Variants in ZNF418 observed in about 807,000 individuals in gnomAD.
The protein encoded by ZNF418 is zinc finger protein 418.
In ZNF418, 32 loss-of-function variants were observed where a neutral mutation model predicts 32.0. The observed-to-expected ratio is 1.00, with a 90% CI of 0.75 to 1.34. The LOEUF (loss-of-function observed/expected upper bound fraction) is 1.34. Among genes scored for constraint, ZNF418 ranks in the 40% most tolerant of loss-of-function variants. The probability of loss-of-function intolerance (pLI) is 0.00; values close to 1 mark genes in which losing one functional copy is unlikely to be tolerated. For missense variants in ZNF418, 804 were observed against 812.5 expected (o/e 0.99, Z 0.13); for synonymous variants, 276 against 270.7 (o/e 1.02, Z -0.19).
rs79857815 is a variant in ZNF418 at position 57,930,438 on chromosome 19, T to C, written c.123A>G (p.Ile41Met). The change falls in exon 3 of 6, where the codon ATA becomes ATG. Residue 41 changes from isoleucine to methionine, a missense_variant. By Grantham distance (10) the Ile-to-Met change is conservative. This residue lies in a region of ZNF418 where 307 missense variants were observed against 304.9 expected (regional missense o/e 1.01). Transcript: ENST00000396147. ...GTGTGAGGAACTTACCCAGGGAGGA[T>C]ATAAGTACCCAGTTCTCCAGCATCA... ...HDVMLENWVL[I>M]SSLGCWCGSE... 2.7e-4 allele frequency: 436 copies of C among 1,614,058 alleles called. No individual in the cohort carries two copies. The African/African-American group carries it at 5.2e-3, about 19-fold the overall frequency.
At chr19:57,931,836 A>G (rs1033907335) in intron 2 of ZNF418, among the ~76,000 whole-genome samples, 2 of 152,226 alleles carry the variant, frequency 1.3e-5, no homozygotes, top group Non-Finnish European at 2.9e-5. Flanking sequence ...TCAGCCTCCC[A>G]AAGTGCTGGG....
At chr19:57,928,079 T>C (rs372845514) in intron 3 of ZNF418, 32 bp from the exon 4 acceptor site, 31 of 1,508,612 alleles carry the variant, frequency 2.1e-5, no homozygotes, top group Non-Finnish European at 2.7e-5. Context: ...TGAATTCAAG[T>C]TAACTCTGGT....
Position 57,927,239 on chromosome 19 carries a change from A to T in ZNF418, c.942T>A (p.Tyr314Ter). 6.2e-7 allele frequency: 1 copy of T among 1,614,094 alleles called. No homozygotes were observed. The highest frequency in any genetic ancestry group is 8.5e-7 in the Non-Finnish European group (1 of 1,180,018). ...HQRVHTGERPYECGECGKSFS... is the reference protein window; with the variant it reads ...HQRVHTGERP ...AAGATTTCCCACATTCTCCACACTC[A>T]TAAGGTCTTTCTCCAGTATGAACTC... Residue 314 changes from tyrosine (Y) to a stop codon, truncating the protein, a stop_gained, in exon 4 of 6, where the codon TAT becomes TAA. Transcript: ENST00000396147. LOFTEE classifies it low-confidence loss of function (END_TRUNC).
intron 1 of ZNF418, chr19:57,934,959 G>T: frequency 7.3e-7 from 1 of 1,377,420 alleles, no homozygotes; most frequent in Non-Finnish European, 9.6e-7. Flanking sequence ...CTGTCCTCCA[G>T]GCCATAGCCC....
rs1252490721 is a variant in ZNF418 at position 57,923,507 on chromosome 19, CACACATAT to C, written c.*528-226_*528-219del. Among the ~76,000 whole-genome samples the C allele has an allele frequency of 3.2e-3, 453 of 142,734 alleles. 1 individual carries two copies. The highest frequency in any genetic ancestry group is 0.016 in the South Asian group (75 of 4,666). The allele number at this position is 142,734 out of a possible 152,430, so 93.6% of individuals were successfully genotyped here. ...ACATACATGTATATACATATATACA[CACACATAT>C]ATACATATATACATATATATACATA... On this transcript the variant is annotated intron_variant, in intron 4 of 5. Coordinates refer to ENST00000396147, the MANE Select transcript of ZNF418 (RefSeq NM_133460.3).
At chr19:57,929,529 C>G (rs922521179) in intron 3 of ZNF418, among the ~76,000 whole-genome samples, 11 of 152,212 alleles carry the variant, frequency 7.2e-5, no homozygotes, top group Admixed American at 5.2e-4. Flanking sequence ...AGGCCATTTC[C>G]ACCTGATTAA....
intron 3 of ZNF418, among the ~76,000 whole-genome samples, chr19:57,928,395 C>T (rs2072338509): frequency 6.6e-6 from 1 of 152,084 alleles, no homozygotes; most frequent in African/African-American, 2.4e-5. Flanking sequence ...ACCTCAGCCT[C>T]CACAGTAGCT....
At position 57,926,077 on chromosome 19, in the gene ZNF418, T is replaced by C. The variant is rs2072203385; in HGVS notation, c.*73A>G. 1.5e-6 allele frequency: 2 copies of C among 1,309,330 alleles called. No individual in the cohort carries two copies. Among genetic ancestry groups the C allele is most frequent in the Non-Finnish European group, 2.1e-6 (2 of 938,910 alleles). The allele number at this position is 1,309,330 out of a possible 1,614,324, so 81.1% of individuals were successfully genotyped here. ...TCCCACGTTTGTCACACTCATAAGG[T>C]CCTGATCCAGTAAGAACCCTCTGAT... On this transcript the variant is annotated 3_prime_UTR_variant, in exon 4 of 6. Transcript: ENST00000396147.
Position 57,933,910 on chromosome 19 carries a change from C to T in ZNF418, c.-80-8G>A, listed in dbSNP as rs568761380. 3.1e-6 allele frequency: 5 copies of T among 1,612,762 alleles called. No homozygotes were observed. The highest frequency in any genetic ancestry group is 4.2e-6 in the Non-Finnish European group (5 of 1,179,962). The stretch of plus-strand genomic sequence containing the variant: ...TTTGCAGCCAGATGATGCCTGCAGA[C>T]AAATGGGACTGTGGTAACATCACCT... On this transcript the variant is annotated splice_region_variant and splice_polypyrimidine_tract_variant and intron_variant, in intron 1 of 5. Coordinates refer to ENST00000396147, the MANE Select transcript of ZNF418 (RefSeq NM_133460.3).
rs2072254001 is a variant in ZNF418 at position 57,926,889 on chromosome 19, CA to C, written c.1291del (p.Cys431ValfsTer256). On this transcript the variant is annotated frameshift_variant, in exon 4 of 6. Transcript: ENST00000396147. LOFTEE classifies it low-confidence loss of function (END_TRUNC). ...GCCCTTTCGACTAAAAGATTTCCCA[CA>C]TTCTCCACACTCGTAAGGTCTTTCT... The part of the protein sequence containing the change: ...TGERPYECGE[C>X]GKSFSRKGNL... 1 of 1,614,040 alleles carries C rather than the reference CA, an allele frequency of 6.2e-7. No individual in the cohort carries two copies. The highest frequency in any genetic ancestry group is 1.3e-5 in the African/African-American group (1 of 74,932).
At chr19:57,931,308 T>C (rs2122999797) in intron 2 of ZNF418, among the ~76,000 whole-genome samples, 1 of 151,140 alleles carries the variant, frequency 6.6e-6, no homozygotes, top group South Asian at 2.1e-4. Context: ...TTCAAGCAAT[T>C]TTCCTGCCTC....
intron 3 of ZNF418, 83 bp from the exon 4 acceptor site, chr19:57,928,130 A>G: frequency 8.6e-7 from 1 of 1,165,042 alleles, no homozygotes; most frequent in Non-Finnish European, 1.2e-6. Flanking sequence ...TGACAAACCA[A>G]GGAATTACTC....
At chr19:57,933,761 G>T (rs1568554349) in intron 2 of ZNF418, 56 bp downstream of exon 2, 3 of 1,603,804 alleles carry the variant, frequency 1.9e-6, no homozygotes. Flanking sequence ...TACAAACTGT[G>T]AATCTTGAAT....
At chr19:57,934,018 A>G (rs2072591667) in intron 1 of ZNF418, 116 bp from the exon 2 acceptor site, 2 of 1,497,986 alleles carry the variant, frequency 1.3e-6, no homozygotes, top group Non-Finnish European at 1.8e-6. Context: ...TTAACCTTCA[A>G]AGTATGTTTA....
At chr19:57,923,515 TATAC>T (rs1398400261) in intron 4 of ZNF418, among the ~76,000 whole-genome samples, 1 of 138,886 alleles carries the variant, frequency 7.2e-6, no homozygotes, top group Non-Finnish European at 1.6e-5. Context: ...CACACACATA[TATAC>T]ATATATACAT....
rs775386760 is a variant in ZNF418 at position 57,926,683 on chromosome 19, G to A, written c.1498C>T (p.His500Tyr). 3 of 1,614,058 alleles carry A rather than the reference G, an allele frequency of 1.9e-6. No homozygotes were observed. Among genetic ancestry groups the A allele is most frequent in the Non-Finnish European group, 2.5e-6 (3 of 1,180,034 alleles). ...SFQDSSGFRV[H>Y]QRVHTGEKPF... ...TTTTCTCCAGTGTGAACTCTCTGAT[G>A]AACACGAAACCCAGAGCTGTCTTGA... The change falls in exon 4 of 6, where the codon CAT becomes TAT. Residue 500 changes from histidine (H) to tyrosine (Y), a missense_variant. By Grantham distance (83) the His-to-Tyr change is moderately conservative. Coordinates refer to ENST00000396147, the MANE Select transcript of ZNF418 (RefSeq NM_133460.3).
chr19:57,932,609 A>G lies in ZNF418; in HGVS notation c.6+1208T>C. The G allele has an allele frequency of 2.0e-6, 3 of 1,489,022 alleles. No individual in the cohort carries two copies. In the Admixed American group the frequency reaches 6.9e-5, roughly 34 times the overall value. 92.2% of individuals were successfully genotyped at this position (1,489,022 alleles called of 1,614,324 possible). A position where few individuals can be genotyped will look rare whatever the true frequency, so the allele number is the denominator to read the frequency against. ...TGACGACTTTCCTCTGTCCACCTAG[A>G]GTCATTTAAATCCCACTCCCTTGTT... On this transcript the variant is annotated intron_variant, in intron 2 of 5. Transcript: ENST00000396147.
At chr19:57,923,876 A>G (rs1342714280) in intron 4 of ZNF418, among the ~76,000 whole-genome samples, 1 of 152,010 alleles carries the variant, frequency 6.6e-6, no homozygotes, top group Non-Finnish European at 1.5e-5. Context: ...GTGCCTGGCC[A>G]CTTTCATGGG....
In ZNF418 at chr19:57,928,072, A is replaced by G; in HGVS notation, c.134-25T>C. On this transcript the variant is annotated intron_variant, in intron 3 of 5. Transcript: ENST00000396147. ...CCTGAAAGCAAGAAAATGCTGATGAATTCAAGTTAACTCTGGTGGGAAGGC... is the reference window on the plus strand; with the variant it reads ...CCTGAAAGCAAGAAAATGCTGATGAGTTCAAGTTAACTCTGGTGGGAAGGC... 2.0e-6 allele frequency: 3 copies of G among 1,514,440 alleles called. No individual in the cohort carries two copies. In the South Asian group the frequency reaches 4.0e-5, roughly 20 times the overall value. The allele number at this position is 1,514,440 out of a possible 1,614,324, so 93.8% of individuals were successfully genotyped here. A position where few individuals can be genotyped will look rare whatever the true frequency, so the allele number is the denominator to read the frequency against.
Sources: gnomAD v4.1 joint callset for allele counts (sites outside exome capture counted in the v4.1 genomes callset) on GRCh38, gnomAD v4.1.1 for gene constraint, gnomAD v4.1.1 regional missense constraint, MANE v1.5 for transcripts, NCBI Gene and HGNC (gene_info 2026-07-23, HGNC 2026-07-21) for gene names.